Variants in TRAPPC9 observed in about 807,000 individuals in gnomAD.
TRAPPC9 encodes trafficking protein particle complex subunit 9.
Under a neutral mutation model 124.0 loss-of-function variants are expected in TRAPPC9, and 83 were observed. That is an observed-to-expected ratio of 0.67 (90% confidence interval 0.56 to 0.80). TRAPPC9 has a LOEUF of 0.80. Ranked by LOEUF, TRAPPC9 falls within the 30% of genes least tolerant of loss-of-function variation. The pLI, the probability that TRAPPC9 is intolerant of heterozygous loss-of-function variation, is 0.00. For synonymous variants in TRAPPC9, 638 were observed against 617.5 expected (o/e 1.03, Z -0.49); for missense variants, 1,302 against 1,508.3 (o/e 0.86, Z 2.27).
At chr8:140,383,093 G>C (rs1420935283) in intron 7 of TRAPPC9, among the ~76,000 whole-genome samples, 1 of 152,246 alleles carries the variant, frequency 6.6e-6, no homozygotes, top group African/African-American at 2.4e-5. Context: ...CAGACCTGCA[G>C]CTGAGGGTCC....
At chr8:140,024,118 T>C in intron 17 of TRAPPC9, 39 bp from the exon 18 acceptor site, 1 of 1,599,894 alleles carries the variant, frequency 6.3e-7, no homozygotes, top group East Asian at 2.2e-5. Context: ...ACACACACAT[T>C]AGTAACTCTC....
chr8:140,116,442 A>G (rs555181832), intron 17 of TRAPPC9, among the ~76,000 whole-genome samples: 1 of 152,314 alleles, frequency 6.6e-6, no homozygotes. Context: ...AATCCAGTTA[A>G]GCAGCCAACT....
At chr8:140,333,741 C>T (rs1478507627) in intron 9 of TRAPPC9, among the ~76,000 whole-genome samples, 1 of 152,150 alleles carries the variant, frequency 6.6e-6, no homozygotes, top group African/African-American at 2.4e-5. Flanking sequence ...AAAGGTTTTA[C>T]AACGAAAAAT....
chr8:140,156,676 C>T (rs546689709), intron 17 of TRAPPC9, among the ~76,000 whole-genome samples: 17 of 152,266 alleles, frequency 1.1e-4, no homozygotes, highest in African/African-American at 4.1e-4. Context: ...GAAGATGCAG[C>T]CTCAGGCTCA....
At chr8:140,085,921 C>T (rs932450322) in intron 17 of TRAPPC9, among the ~76,000 whole-genome samples, 2 of 152,154 alleles carry the variant, frequency 1.3e-5, no homozygotes, top group Non-Finnish European at 2.9e-5. Context: ...TAGCTTCCCC[C>T]CACCCCACAC....
At chr8:139,798,968 G>A (rs765450840) in intron 21 of TRAPPC9, among the ~76,000 whole-genome samples, 1 of 152,134 alleles carries the variant, frequency 6.6e-6, no homozygotes, top group African/African-American at 2.4e-5. Flanking sequence ...TCCTTGGTTT[G>A]TAACCACATC....
At chr8:140,280,506 G>A (rs1236757202) in intron 14 of TRAPPC9, among the ~76,000 whole-genome samples, 3 of 152,010 alleles carry the variant, frequency 2.0e-5, no homozygotes, top group Non-Finnish European at 4.4e-5. Flanking sequence ...TCGGCTCACT[G>A]CAACCTCCGC....
rs1198560479 is a variant in TRAPPC9, at chr8:140,205,808, C to T, written c.2556+15651G>A. 2.0e-5 allele frequency among the ~76,000 whole-genome samples: 3 copies of T among 152,298 alleles called. No individual in the cohort carries two copies. The East Asian group carries it at 5.8e-4, about 29-fold the overall frequency. On this transcript the variant is annotated intron_variant, in intron 17 of 22. Coordinates refer to ENST00000438773, the MANE Select transcript of TRAPPC9 (RefSeq NM_001160372.4). Reference sequence around the variant, plus strand: ...CTCAGCTACCCAGAGTCACCATCTGCCCAACCATGCAACCATTCTTGTCCT... The same window carrying T: ...CTCAGCTACCCAGAGTCACCATCTGTCCAACCATGCAACCATTCTTGTCCT...
chr8:139,872,459 C>G (rs1278503787), intron 21 of TRAPPC9, among the ~76,000 whole-genome samples: 32 of 47,872 alleles, frequency 6.7e-4, no homozygotes, highest in East Asian at 1.3e-3. Flanking sequence ...TAGACGGTTG[C>G]ATAAGTGGAT....
At chr8:140,361,886 T>C (rs955801611) in intron 8 of TRAPPC9, among the ~76,000 whole-genome samples, 3 of 152,108 alleles carry the variant, frequency 2.0e-5, no homozygotes, top group Non-Finnish European at 2.9e-5. Context: ...AAGGGATGCC[T>C]CCTCCCTAAC....
intron 17 of TRAPPC9, among the ~76,000 whole-genome samples, chr8:140,212,925 T>C (rs1381390487): frequency 6.6e-6 from 1 of 151,214 alleles, no homozygotes; most frequent in Non-Finnish European, 1.5e-5. Flanking sequence ...AAAAATTAGC[T>C]GGGCATGGTG....
chr8:139,793,778 C>T (rs1246265141), intron 21 of TRAPPC9, among the ~76,000 whole-genome samples: 1 of 152,196 alleles, frequency 6.6e-6, no homozygotes, highest in Non-Finnish European at 1.5e-5. Context: ...CCCAGATCCA[C>T]ATCCAACTTG....
intron 17 of TRAPPC9, among the ~76,000 whole-genome samples, chr8:140,083,816 G>T (rs540860580): frequency 3.3e-5 from 5 of 152,156 alleles, no homozygotes; most frequent in African/African-American, 1.2e-4. Context: ...ACAGGCACGG[G>T]CCACCACATC....
At chr8:140,370,579 C>A (rs2132237044) in intron 8 of TRAPPC9, among the ~76,000 whole-genome samples, 1 of 152,316 alleles carries the variant, frequency 6.6e-6, no homozygotes, top group East Asian at 1.9e-4. Flanking sequence ...GAATTTACTG[C>A]TGAATGCATA....
intron 17 of TRAPPC9, among the ~76,000 whole-genome samples, chr8:140,160,649 G>A (rs771213702): frequency 2.0e-5 from 3 of 151,176 alleles, no homozygotes; most frequent in Non-Finnish European, 2.9e-5. Context: ...CTGTCGGGGG[G>A]TGGGGGGCTG....
chr8:140,319,555 C>G (rs1294426418), intron 9 of TRAPPC9, among the ~76,000 whole-genome samples: 1 of 152,046 alleles, frequency 6.6e-6, no homozygotes, highest in Non-Finnish European at 1.5e-5. Context: ...CAACCTCCAC[C>G]TCCCAGGCTC....
Position 139,821,563 on chromosome 8 carries a change from A to T in TRAPPC9, c.3055+64316T>A, listed in dbSNP as rs1410912837. On this transcript the variant is annotated intron_variant, in intron 21 of 22. Transcript: ENST00000438773. ...AGAAATGTGGAAAAGGTCCTACCCC[A>T]GGGTCCAGACCGGGCTTCTCCGAAG... Among the ~76,000 whole-genome samples the T allele has an allele frequency of 2.7e-4, 41 of 152,270 alleles. 1 individual carries two copies. The highest frequency in any genetic ancestry group is 1.6e-4 in the Non-Finnish European group (11 of 68,054).
At position 140,444,202 on chromosome 8, in the gene TRAPPC9, ACT is replaced by A. The variant is rs1158123294; in HGVS notation, c.585-5007_585-5006del. 5.3e-4 allele frequency among the ~76,000 whole-genome samples: 77 copies of A among 144,790 alleles called. No homozygotes were observed. In the East Asian group the frequency reaches 0.014, roughly 27 times the overall value. The allele number at this position is 144,790 out of a possible 152,430, so 95.0% of individuals were successfully genotyped here. The stretch of plus-strand genomic sequence containing the variant: ...CCTCCAGCCTGGGCAACAGAGTGAG[ACT>A]CTGTCTCAAAAAAAAAAAAAAAAAA... On this transcript the variant is annotated intron_variant, in intron 2 of 22. Transcript: ENST00000438773.
At chr8:140,115,603 T>C (rs994559194) in intron 17 of TRAPPC9, among the ~76,000 whole-genome samples, 1 of 144,284 alleles carries the variant, frequency 6.9e-6, no homozygotes, top group African/African-American at 2.5e-5. Context: ...TATTTTTTTT[T>C]CTCCAAATAT....
Sources: allele counts gnomAD v4.1 joint callset (sites outside exome capture counted in the v4.1 genomes callset), GRCh38; gene constraint gnomAD v4.1.1; transcripts MANE v1.5; gene names NCBI Gene and HGNC (gene_info 2026-07-23, HGNC 2026-07-21).